Variants in STK10 observed in about 807,000 individuals in gnomAD.
The protein encoded by STK10 is serine/threonine kinase 10, also known as serine/threonine-protein kinase 10.
A neutral mutation model predicts 113.8 loss-of-function variants in STK10; 78 were observed. The observed-to-expected ratio is 0.69, with a 90% CI of 0.57 to 0.83. The LOEUF is 0.83. STK10 is among the 40% of genes least tolerant of loss of function. The pLI is 0.00. For missense variants in STK10, 1,109 were observed against 1,280.1 expected, an observed-to-expected ratio of 0.87 and a Z score of 2.04; for synonymous variants, 465 against 494.7, an observed-to-expected ratio of 0.94 and a Z score of 0.80.
chr5:172,124,434 C>T lies in STK10; in HGVS notation c.370+2939G>A, dbSNP rs192861663. Among the ~76,000 whole-genome samples the T allele has an allele frequency of 1.6e-3, 236 of 152,196 alleles. 1 individual carries two copies. Among genetic ancestry groups the T allele is most frequent in the African/African-American group, 4.8e-3 (201 of 41,526 alleles). ...CACTTTTATACTGTTAGATTCTATC[C>T]CCCCAAATGATAATCTTCAAAGGCA... On this transcript the variant is annotated intron_variant, in intron 3 of 18. Coordinates refer to ENST00000176763, the MANE Select transcript of STK10 (RefSeq NM_005990.4).
At chr5:172,058,502 C>T (rs1218764562) in intron 14 of STK10, among the ~76,000 whole-genome samples, 1 of 152,158 alleles carries the variant, frequency 6.6e-6, no homozygotes, top group African/African-American at 2.4e-5. Context: ...GGATATTGGC[C>T]TCGTGTTGTT....
chr5:172,112,574 C>G (rs544329865), intron 4 of STK10, among the ~76,000 whole-genome samples: 1 of 149,778 alleles, frequency 6.7e-6, no homozygotes, highest in South Asian at 2.1e-4. Flanking sequence ...GCACCTGCCA[C>G]CATGCCCGGC....
intron 1 of STK10, among the ~76,000 whole-genome samples, chr5:172,172,984 A>T (rs1393644837): frequency 6.6e-6 from 1 of 152,192 alleles, no homozygotes; most frequent in East Asian, 1.9e-4. Context: ...TGTCAAAAAA[A>T]AGAAAAAAAA....
intron 2 of STK10, among the ~76,000 whole-genome samples, chr5:172,138,819 T>C (rs1769920870): frequency 6.6e-6 from 1 of 152,064 alleles, no homozygotes; most frequent in Non-Finnish European, 1.5e-5. Flanking sequence ...GAGACCATCC[T>C]GGCTAACACA....
chr5:172,114,473 A>ATATATATATATATATTTTTTT (rs1226289994), intron 4 of STK10: 1 of 47,546 alleles, frequency 2.1e-5, no homozygotes, highest in African/African-American at 1.4e-4. Context: ...ATATATATAT[A>ATATATATATATATATTTTTTT]TTTTTTTTTT....
rs977996196 is a variant in STK10 at position 172,181,759 on chromosome 5, C to T, written c.156+6128G>A. Among the ~76,000 whole-genome samples, 11 of 151,648 alleles carry T rather than the reference C, an allele frequency of 7.3e-5. 1 individual carries two copies. In the East Asian group the frequency reaches 2.1e-3, roughly 30 times the overall value. On this transcript the variant is annotated intron_variant, in intron 1 of 18. Coordinates refer to ENST00000176763, the MANE Select transcript of STK10 (RefSeq NM_005990.4). ...TCGGGAGGTGGAGGTTGCAGTGAGC[C>T]AAGATCGCGCTAATGCAATCCAGCC...
At chr5:172,117,212 G>A (rs6890926) in intron 4 of STK10, among the ~76,000 whole-genome samples, 1,806 of 152,244 alleles carry the variant, frequency 0.012, 42 homozygotes, top group African/African-American at 0.04. Flanking sequence ...CTGGGAGGTG[G>A]AGGTTGCAGT....
chr5:172,165,389 C>A (rs1444861477), intron 1 of STK10, among the ~76,000 whole-genome samples: 1 of 152,176 alleles, frequency 6.6e-6, no homozygotes, highest in African/African-American at 2.4e-5. Flanking sequence ...AGGTGTGCCT[C>A]AAGAAGAGTA....
rs141922872 is a variant in STK10, at chr5:172,102,025, G to C, written c.870+3631C>G. The stretch of plus-strand genomic sequence containing the variant: ...GCCCTGAGACTCTGGGTTTTCCCTA[G>C]AGTGAAACGGGAGCCACTGGGGAGC... On this transcript the variant is annotated intron_variant, in intron 7 of 18. Transcript: ENST00000176763. Among the ~76,000 whole-genome samples the C allele has an allele frequency of 1.6e-4, 24 of 152,274 alleles. 1 individual carries two copies. In the East Asian group the frequency reaches 4.3e-3, roughly 27 times the overall value.
chr5:172,083,509 T>C (rs557733810), intron 10 of STK10, among the ~76,000 whole-genome samples: 1 of 152,330 alleles, frequency 6.6e-6, no homozygotes, highest in East Asian at 1.9e-4. Context: ...AACTGGTACA[T>C]TTCTGGAGGA....
chr5:172,117,233 C>T (rs568071755), intron 4 of STK10, among the ~76,000 whole-genome samples: 2 of 151,394 alleles, frequency 1.3e-5, no homozygotes, highest in South Asian at 2.1e-4. Context: ...GAGCCAAGAA[C>T]GCACCACTGC....
chr5:172,100,948 G>A (rs1768977167), intron 7 of STK10, among the ~76,000 whole-genome samples: 1 of 152,034 alleles, frequency 6.6e-6, no homozygotes, highest in African/African-American at 2.4e-5. Context: ...ACAGACTCTT[G>A]AACCCGAGGA....
At chr5:172,051,711 A>C (rs569624370) in intron 18 of STK10, among the ~76,000 whole-genome samples, 2 of 152,274 alleles carry the variant, frequency 1.3e-5, no homozygotes, top group South Asian at 4.1e-4. Flanking sequence ...ACCCAGCAGA[A>C]GGTGGGCCTA....
intron 2 of STK10, among the ~76,000 whole-genome samples, chr5:172,130,651 C>T (rs1037192347): frequency 6.6e-6 from 1 of 152,132 alleles, no homozygotes; most frequent in African/African-American, 2.4e-5. Flanking sequence ...AACCTGGGGT[C>T]GAGTCCTGGT....
chr5:172,069,197 A>G (rs562197502), intron 12 of STK10, among the ~76,000 whole-genome samples: 157 of 152,300 alleles, frequency 1.0e-3, no homozygotes, highest in Admixed American at 3.0e-3. Context: ...TAATAATTTA[A>G]TTAAATATAA....
chr5:172,059,783 T>C (rs1394303081), intron 14 of STK10, among the ~76,000 whole-genome samples: 1 of 152,120 alleles, frequency 6.6e-6, no homozygotes, highest in Non-Finnish European at 1.5e-5. Context: ...GCGTGTCAAC[T>C]TGTCAAAATG....
intron 1 of STK10, among the ~76,000 whole-genome samples, chr5:172,171,023 C>T (rs983596898): frequency 7.2e-5 from 11 of 152,214 alleles, no homozygotes; most frequent in African/African-American, 2.4e-4. Context: ...TTAATCTTCA[C>T]CACAACCTTG....
intron 7 of STK10, among the ~76,000 whole-genome samples, chr5:172,098,882 T>C (rs910691661): frequency 4.0e-5 from 6 of 151,662 alleles, no homozygotes; most frequent in African/African-American, 7.3e-5. Flanking sequence ...ACCACCATCA[T>C]CACCTTCACC....
At chr5:172,075,362 T>C (rs1221635763) in intron 12 of STK10, among the ~76,000 whole-genome samples, 1 of 152,084 alleles carries the variant, frequency 6.6e-6, no homozygotes, top group Non-Finnish European at 1.5e-5. Flanking sequence ...GCCAAAGATC[T>C]GACCCAATAC....
Sources: allele counts gnomAD v4.1 joint callset (sites outside exome capture counted in the v4.1 genomes callset), GRCh38; gene constraint gnomAD v4.1.1; transcripts MANE v1.5; gene names NCBI Gene and HGNC (gene_info 2026-07-23, HGNC 2026-07-21).